The following RUFY4 variants were observed in gnomAD, a reference collection of about 807,000 sequenced individuals.
RUFY4 encodes the protein RUN and FYVE domain containing 4.
Under a neutral mutation model 69.0 loss-of-function variants are expected in RUFY4, and 73 were observed. The ratio of observed to expected loss-of-function variants is 1.06; its 90% CI spans 0.88 to 1.29. RUFY4 has a LOEUF of 1.29. Ranked by LOEUF, RUFY4 falls within the 50% of genes most tolerant of loss-of-function variation. The pLI, the probability that RUFY4 is intolerant of heterozygous loss-of-function variation, is 0.00. For missense variants in RUFY4, 770 were observed against 705.6 expected, an observed-to-expected ratio of 1.09 and a Z score of -1.03; for synonymous variants, 287 against 271.8, an observed-to-expected ratio of 1.06 and a Z score of -0.55.
intron 2 of RUFY4, among the ~76,000 whole-genome samples, chr2:218,050,737 T>C (rs1323048808): frequency 1.3e-5 from 2 of 152,222 alleles, no homozygotes; most frequent in African/African-American, 4.8e-5. Flanking sequence ...CATAAAAGTA[T>C]GAGTTTGACC....
chr2:218,077,730 G>A (rs1689669806), intron 8 of RUFY4, among the ~76,000 whole-genome samples: 1 of 152,148 alleles, frequency 6.6e-6, no homozygotes, highest in Non-Finnish European at 1.5e-5. Context: ...AAGCCTTCTG[G>A]CTGTCTGCTT....
At chr2:218,068,467 G>A (rs185272010), upstream of RUFY4, 1 of 154,150 alleles carries the variant, frequency 6.5e-6, no homozygotes, top group East Asian at 1.9e-4. Context: ...CCTCTGCATG[G>A]GGGATATAGG....
chr2:218,062,700 G>C (rs1574502712), intron 3 of RUFY4, among the ~76,000 whole-genome samples: 1 of 152,132 alleles, frequency 6.6e-6, no homozygotes, highest in South Asian at 2.1e-4. Context: ...GACAGAGCAA[G>C]ACTCTGTCTC....
intron 8 of RUFY4, among the ~76,000 whole-genome samples, chr2:218,081,109 G>A (rs1025955273): frequency 2.6e-5 from 4 of 152,272 alleles, no homozygotes; most frequent in East Asian, 3.9e-4. Context: ...TGTGCTAGGA[G>A]TATCCATCAC....
chr2:218,067,412 C>T (rs1689366194), upstream of RUFY4, among the ~76,000 whole-genome samples: 1 of 152,230 alleles, frequency 6.6e-6, no homozygotes, highest in Non-Finnish European at 1.5e-5. Flanking sequence ...GCCTTGGCTC[C>T]TGAGGGGATC....
In RUFY4 at chr2:218,072,117, G is replaced by A. The variant is rs529169960; in HGVS notation, c.154-257G>A. 3.3e-5 allele frequency among the ~76,000 whole-genome samples: 5 copies of A among 152,304 alleles called. No homozygotes were observed. The East Asian group carries it at 9.6e-4, about 29-fold the overall frequency. The stretch of plus-strand genomic sequence containing the variant: ...CAGTTTGTTCATAGTTGTATCCCCA[G>A]ACACACAGAGGAGGGCCTGGAATAT... On this transcript the variant is annotated intron_variant, in intron 2 of 10. Transcript: ENST00000344321.
At chr2:218,059,025 A>G (rs763220101) in intron 3 of RUFY4, 2 of 152,300 alleles carry the variant, frequency 1.3e-5, no homozygotes, top group South Asian at 2.1e-4. Flanking sequence ...TCTCTTTACG[A>G]CACAACAAAT....
rs955097634 is a variant in RUFY4, at chr2:218,035,880, G to A, written c.-1158+486G>A. ...ACATTTCCATTCAGCTGGGGCCCAG[G>A]AAAAGATGAGTGGGTGTCTCGAGGA... On this transcript the variant is annotated intron_variant and NMD_transcript_variant, in intron 2 of 13. Coordinates refer to the RUFY4 transcript ENST00000457754. Among the ~76,000 whole-genome samples, 5 of 152,338 alleles carry A rather than the reference G, an allele frequency of 3.3e-5. No individual in the cohort carries two copies. In the East Asian group the frequency reaches 9.6e-4, roughly 29 times the overall value.
chr2:218,072,654 T>C (rs1689516610), intron 3 of RUFY4, 125 bp from the exon 6 acceptor site: 1 of 1,313,388 alleles, frequency 7.6e-7, no homozygotes, highest in Non-Finnish European at 1.0e-6. Flanking sequence ...ACCCTTTTCC[T>C]CCCATGGCCT....
At chr2:218,090,210 G>C in exon 11 of RUFY4, 1 of 423,154 alleles carries the variant, frequency 2.4e-6, no homozygotes, top group South Asian at 1.9e-5. Flanking sequence ...GGGCAGAGTA[G>C]GGTGTGGGGA....
exon 3 of RUFY4, chr2:218,058,614 G>A (rs1689116380): frequency 6.6e-6 from 1 of 152,190 alleles, no homozygotes; most frequent in Admixed American, 6.5e-5. Context: ...GGGCCAGAAG[G>A]GACCTCATGT....
At chr2:218,073,528 G>A in intron 5 of RUFY4, 142 bp downstream of exon 7, 1 of 1,196,556 alleles carries the variant, frequency 8.4e-7, no homozygotes, top group Non-Finnish European at 1.2e-6. Context: ...GATTCTTCTA[G>A]CCCTCGATGC....
At position 218,072,336 on chromosome 2, in the gene RUFY4, A is replaced by G. The variant is rs760755341; in HGVS notation, c.154-38A>G. The G allele has an allele frequency of 1.1e-5, 17 of 1,534,304 alleles. No individual in the cohort carries two copies. In the South Asian group the frequency reaches 2.0e-4, roughly 18 times the overall value. ...GAATGCAGGGCGTGTTCTGGGAGGA[A>G]GCATTTCTACACTTTCTTTGCCTCA... On this transcript the variant is annotated intron_variant, in intron 2 of 10. Transcript: ENST00000344321.
chr2:218,050,969 T>C (rs1244595309), intron 2 of RUFY4, among the ~76,000 whole-genome samples: 2 of 152,244 alleles, frequency 1.3e-5, no homozygotes, highest in Non-Finnish European at 1.5e-5. Flanking sequence ...TTTCATGTAA[T>C]TTAAAATCTT....
intron 2 of RUFY4, among the ~76,000 whole-genome samples, chr2:218,044,524 T>C (rs764269334): frequency 3.2e-4 from 49 of 152,186 alleles, no homozygotes; most frequent in Non-Finnish European, 4.8e-4. Context: ...GTACAGATTA[T>C]TTTGTCACCC....
exon 8 of RUFY4, chr2:218,076,498 G>T (rs745528915): frequency 1.3e-6 from 2 of 1,551,214 alleles, no homozygotes; most frequent in African/African-American, 1.4e-5. Flanking sequence ...GGGAGCAGGA[G>T]GGGGAGCTGC....
chr2:218,086,164 T>C (rs867434225), intron 9 of RUFY4, among the ~76,000 whole-genome samples: 1 of 152,138 alleles, frequency 6.6e-6, no homozygotes, highest in African/African-American at 2.4e-5. Context: ...TCTTAGAAGG[T>C]AGAATAAAAA....
exon 4 of RUFY4, chr2:218,072,812 A>T (rs1250056081): frequency 6.5e-7 from 1 of 1,535,654 alleles, no homozygotes; most frequent in Non-Finnish European, 8.7e-7. Context: ...CCGTGCCTTC[A>T]TCCGCTTCTG....
At chr2:218,066,538 C>T (rs1043127487), upstream of RUFY4, among the ~76,000 whole-genome samples, 2 of 152,140 alleles carry the variant, frequency 1.3e-5, no homozygotes, top group Non-Finnish European at 1.5e-5. Context: ...TGATTGCAGG[C>T]CAGGAATCTC....
Sources: gnomAD v4.1 joint callset for allele counts (sites outside exome capture counted in the v4.1 genomes callset) on GRCh38, gnomAD v4.1.1 for gene constraint, MANE v1.5 for transcripts, NCBI Gene and HGNC (gene_info 2026-07-23, HGNC 2026-07-21) for gene names.